Variants in LRFN1 observed in about 807,000 individuals in gnomAD.
LRFN1 encodes leucine-rich repeat and fibronectin type III domain-containing protein 1.
Under a neutral mutation model 31.8 loss-of-function variants are expected in LRFN1, and 20 were observed. The ratio of observed to expected loss-of-function variants is 0.63; its 90% CI spans 0.44 to 0.91. The LOEUF is 0.91. LRFN1 is among the 40% of genes least tolerant of loss of function. The probability of loss-of-function intolerance (pLI) is 0.00; values close to 1 mark genes in which losing one functional copy is unlikely to be tolerated. For missense variants in LRFN1, 912 were observed against 1,129.8 expected, an observed-to-expected ratio of 0.81 and a Z score of 2.76; for synonymous variants, 514 against 541.3, an observed-to-expected ratio of 0.95 and a Z score of 0.70.
At chr19:39,310,285 G>C (rs990112548) in intron 4 of LRFN1, among the ~76,000 whole-genome samples, 2 of 152,186 alleles carry the variant, frequency 1.3e-5, no homozygotes, top group Admixed American at 6.5e-5. Flanking sequence ...TAACCTCCCT[G>C]TGTCTCATTT....
At chr19:39,320,561 G>A (rs1214392686) in intron 1 of LRFN1, among the ~76,000 whole-genome samples, 1 of 151,888 alleles carries the variant, frequency 6.6e-6, no homozygotes, top group Admixed American at 6.5e-5. Context: ...CGCTCGGGGG[G>A]ACACGCGTGC....
In LRFN1 at chr19:39,308,134, G is replaced by C; in HGVS notation, c.1815C>G (p.Tyr605Ter). 6.5e-7 allele frequency: 1 copy of C among 1,529,904 alleles called. No individual in the cohort carries two copies. Among genetic ancestry groups the C allele is most frequent in the Non-Finnish European group, 8.8e-7 (1 of 1,141,224 alleles). 94.8% of individuals were successfully genotyped at this position (1,529,904 alleles called of 1,614,324 possible). A position where few individuals can be genotyped will look rare whatever the true frequency, so the allele number is the denominator to read the frequency against. The change falls in exon 5 of 5, where the codon TAC (tyrosine) becomes TAG (stop). Residue 605 changes from tyrosine (Y) to a stop codon, truncating the protein, a stop_gained. Coordinates refer to ENST00000248668, the MANE Select transcript of LRFN1 (RefSeq NM_020862.2). LOFTEE classifies it high-confidence loss of function. The surrounding 1 kb of genome is among the most constrained non-coding windows in gnomAD (Gnocchi z 6.2). ...QAPALPAQDH[Y>*]EALREVESQA... ...GGGACTCCACCTCGCGCAGCGCCTC[G>C]TAGTGGTCCTGGGCCGGCAGGGCCG...
chr19:39,309,633 A>G (rs571498303), intron 4 of LRFN1, among the ~76,000 whole-genome samples: 43 of 152,162 alleles, frequency 2.8e-4, no homozygotes, highest in African/African-American at 9.9e-4. Flanking sequence ...ACAATGGCCC[A>G]CTAAGGATGG....
Position 39,308,606 on chromosome 19 carries a change from C to A in LRFN1, c.1407-64G>T. ...CCGAACCACGCCCCTTCGCTTTATG[C>A]CCCGCCCATGGTGAACAGTGGGGAC... is the stretch of plus-strand genomic sequence containing the variant. On this transcript the variant is annotated intron_variant, in intron 4 of 4. Transcript: ENST00000248668. The surrounding 1 kb of genome is among the most constrained non-coding windows in gnomAD (Gnocchi z 6.2). 1 of 1,406,826 alleles carries A rather than the reference C, an allele frequency of 7.1e-7. No homozygotes were observed. Among genetic ancestry groups the A allele is most frequent in the Non-Finnish European group, 9.5e-7 (1 of 1,056,068 alleles). 87.1% of individuals were successfully genotyped at this position (1,406,826 alleles called of 1,614,324 possible).
chr19:39,307,404 G>C lies in LRFN1; in HGVS notation c.*229C>G. The C allele has an allele frequency of 2.3e-6, 1 of 439,102 alleles. No homozygotes were observed. Among genetic ancestry groups the C allele is most frequent in the Middle Eastern group, 5.8e-4 (1 of 1,718 alleles). The allele number at this position is 439,102 out of a possible 1,614,324, so 27.2% of individuals were successfully genotyped here. A position where few individuals can be genotyped will look rare whatever the true frequency, so the allele number is the denominator to read the frequency against. ...GGAGGGGTAGGAGGGGGGTCGAGGA[G>C]TCCATAGGGGAAGGGAGGCCGGCAG... On this transcript the variant is annotated 3_prime_UTR_variant, in exon 5 of 5. Coordinates refer to ENST00000248668, the MANE Select transcript of LRFN1 (RefSeq NM_020862.2). The surrounding 1 kb of genome is among the most constrained non-coding windows in gnomAD (Gnocchi z 6.7).
intron 1 of LRFN1, among the ~76,000 whole-genome samples, chr19:39,320,416 G>A (rs979558697): frequency 6.6e-6 from 1 of 151,650 alleles, no homozygotes; most frequent in Admixed American, 6.6e-5. Flanking sequence ...CAAACACCCA[G>A]AGCAGCTAGT....
chr19:39,319,312 A>AAC (rs137961088), intron 1 of LRFN1, among the ~76,000 whole-genome samples: 95 of 152,056 alleles, frequency 6.2e-4, no homozygotes, highest in Middle Eastern at 3.4e-3. Flanking sequence ...ACATCTAACA[A>AAC]ACACACACAC....
rs2145034801 is a variant in LRFN1 at position 39,314,016 on chromosome 19, G to A, written c.1321C>T (p.Arg441Cys). The stretch of plus-strand genomic sequence containing the variant: ...GGCACAGGCCTCTGGGCTGGCCAGC[G>A]GATGAGCACGGAGTTCGAGGTGAGC... ...AELTSNSVLIRWPAQRPVPGI... is the reference protein window; with the variant it reads ...AELTSNSVLICWPAQRPVPGI... Residue 441 changes from arginine to cysteine, a missense_variant, in exon 4 of 5, where the codon CGC becomes TGC. By Grantham distance (180) the Arg-to-Cys change is radical. This residue lies in a region of LRFN1 where 511 missense variants were observed against 557.0 expected (regional missense o/e 0.92). Coordinates refer to ENST00000248668, the MANE Select transcript of LRFN1 (RefSeq NM_020862.2). 4 of 1,611,734 alleles carry A rather than the reference G, an allele frequency of 2.5e-6. No individual in the cohort carries two copies. Among genetic ancestry groups the A allele is most frequent in the East Asian group, 2.2e-5 (1 of 44,868 alleles).
At position 39,308,687 on chromosome 19, in the gene LRFN1, C is replaced by T; in HGVS notation, c.1407-145G>A. The T allele has an allele frequency of 1.3e-6, 1 of 745,522 alleles. No homozygotes were observed. The highest frequency in any genetic ancestry group is 2.1e-6 in the Non-Finnish European group (1 of 469,446). The allele number at this position is 745,522 out of a possible 1,614,324, so 46.2% of individuals were successfully genotyped here. The stretch of plus-strand genomic sequence containing the variant: ...CTGAGACAACAGCAGCAATTCAAGC[C>T]CCGCCTCCATCAACATATTCCCACC... On this transcript the variant is annotated intron_variant, in intron 4 of 4. Transcript: ENST00000248668. The surrounding 1 kb of genome is among the most constrained non-coding windows in gnomAD (Gnocchi z 6.2).
Position 39,308,156 on chromosome 19 carries a change from G to A in LRFN1, c.1793C>T (p.Ala598Val). ...GAGTGAAQAP[A>V]LPAQDHYEAL... is the part of the protein sequence containing the mutation. Reference sequence around the variant, plus strand: ...CTCGTAGTGGTCCTGGGCCGGCAGGGCCGGGGCCTGTGCCGCGCCTGTGCC... The same window carrying A: ...CTCGTAGTGGTCCTGGGCCGGCAGGACCGGGGCCTGTGCCGCGCCTGTGCC... Residue 598 changes from alanine (A) to valine (V), a missense_variant, in exon 5 of 5, where the codon GCC becomes GTC. This residue lies in a region of LRFN1 where 511 missense variants were observed against 557.0 expected (regional missense o/e 0.92). Coordinates refer to ENST00000248668, the MANE Select transcript of LRFN1 (RefSeq NM_020862.2). This position sits in a 1 kb window ranked among gnomAD's most constrained non-coding sequence, Gnocchi z 6.2. 1 of 1,556,720 alleles carries A rather than the reference G, an allele frequency of 6.4e-7. No homozygotes were observed. Among genetic ancestry groups the A allele is most frequent in the Non-Finnish European group, 8.7e-7 (1 of 1,152,194 alleles).
chr19:39,310,504 T>G (rs2145031055), intron 4 of LRFN1, among the ~76,000 whole-genome samples: 1 of 152,350 alleles, frequency 6.6e-6, no homozygotes, highest in African/African-American at 2.4e-5. Context: ...GGGCCATTCC[T>G]GCTAGGCCTT....
Position 39,307,581 on chromosome 19 carries a change from C to T in LRFN1, c.*52G>A, listed in dbSNP as rs1037481305. The T allele has an allele frequency of 1.5e-6, 2 of 1,354,398 alleles. No individual in the cohort carries two copies. Among genetic ancestry groups the T allele is most frequent in the African/African-American group, 1.5e-5 (1 of 64,938 alleles). 83.9% of individuals were successfully genotyped at this position (1,354,398 alleles called of 1,614,324 possible). ...TCCCAGTCCCGCCCCAGCGTCCGTGCGGCTGGGCGTTTGGTCTGCGGCACC... is the reference window on the plus strand; with the variant it reads ...TCCCAGTCCCGCCCCAGCGTCCGTGTGGCTGGGCGTTTGGTCTGCGGCACC... On this transcript the variant is annotated 3_prime_UTR_variant, in exon 5 of 5. Coordinates refer to ENST00000248668, the MANE Select transcript of LRFN1 (RefSeq NM_020862.2). This position sits in a 1 kb window ranked among gnomAD's most constrained non-coding sequence, Gnocchi z 6.7.
chr19:39,307,717 C>A lies in LRFN1; in HGVS notation c.2232G>T (p.Gly744=). ...HLDGAGGGAA[G]EDGDLGLGSA... is the part of the protein sequence containing the mutation. ...AGCCCAGCCCCAGGTCTCCATCCTC[C>A]CCGGCCGCGCCCCCTCCAGCCCCGT... Residue 744 remains glycine (G), a synonymous_variant, in exon 5 of 5, where the codon GGG becomes GGT. Transcript: ENST00000248668. The surrounding 1 kb of genome is among the most constrained non-coding windows in gnomAD (Gnocchi z 6.7). 1 of 1,497,056 alleles carries A rather than the reference C, an allele frequency of 6.7e-7. No individual in the cohort carries two copies. Among genetic ancestry groups the A allele is most frequent in the Non-Finnish European group, 8.8e-7 (1 of 1,136,002 alleles). The allele number at this position is 1,497,056 out of a possible 1,614,324, so 92.7% of individuals were successfully genotyped here. A position where few individuals can be genotyped will look rare whatever the true frequency, so the allele number is the denominator to read the frequency against.
rs549336366 is a variant in LRFN1 at position 39,313,740 on chromosome 19, T to C, written c.1406+191A>G. Among the ~76,000 whole-genome samples, 61 of 152,294 alleles carry C rather than the reference T, an allele frequency of 4.0e-4. 1 individual carries two copies. The highest frequency in any genetic ancestry group is 7.1e-4 in the Non-Finnish European group (48 of 68,028). On this transcript the variant is annotated intron_variant, in intron 4 of 4. Transcript: ENST00000248668. ...CGGGTTCATGTAGGTGCTCAGCGAA[T>C]ATTTTCTATAAGCACGAAAAACAGA...
intron 4 of LRFN1, among the ~76,000 whole-genome samples, chr19:39,310,330 T>C (rs758070822): frequency 6.6e-6 from 1 of 152,224 alleles, no homozygotes; most frequent in Non-Finnish European, 1.5e-5. Context: ...TCCTACATCA[T>C]AGAGATGGTG....
chr19:39,312,025 A>G (rs2075152361), intron 4 of LRFN1, among the ~76,000 whole-genome samples: 1 of 151,858 alleles, frequency 6.6e-6, no homozygotes, highest in African/African-American at 2.4e-5. Flanking sequence ...ACGTGCCACC[A>G]CATCTGCCTA....
chr19:39,309,497 A>AAAAAC (rs1346396411), intron 4 of LRFN1, among the ~76,000 whole-genome samples: 47 of 146,566 alleles, frequency 3.2e-4, no homozygotes, highest in African/African-American at 1.1e-3. Context: ...AAAAAAAAAA[A>AAAAAC]AAAAAAAAAA....
chr19:39,314,404 C>G lies in LRFN1; in HGVS notation c.933G>C (p.Val311=). ...GCAGGCTCACCGCCTGGCCTTCCAC[C>G]ACCAGGGCCCGGCCCCCCGCCTGCC... ...ITRQAGGRAL[V]VEGQAVSLRC... Residue 311 remains valine (V), a synonymous_variant, in exon 4 of 5, where the codon GTG becomes GTC. Transcript: ENST00000248668. The G allele has an allele frequency of 6.2e-7, 1 of 1,601,292 alleles. No homozygotes were observed. Among genetic ancestry groups the G allele is most frequent in the Non-Finnish European group, 8.5e-7 (1 of 1,175,744 alleles).
chr19:39,308,502 G>A lies in LRFN1; in HGVS notation c.1447C>T (p.Leu483=). 6.3e-7 allele frequency: 1 copy of A among 1,599,968 alleles called. No homozygotes were observed. Among genetic ancestry groups the A allele is most frequent in the Non-Finnish European group, 8.5e-7 (1 of 1,178,844 alleles). ...AAGTCGTAGGCACGGCCCGCCGCCA[G>A]GTCATTCACCAGGAAGGTCTGACTG... ...STSQTFLVND[L]AAGRAYDLCV... is the part of the protein sequence containing the mutation. The change falls in exon 5 of 5, where the codon CTG becomes TTG. Residue 483 remains leucine (L), a synonymous_variant. Coordinates refer to ENST00000248668, the MANE Select transcript of LRFN1 (RefSeq NM_020862.2). This position sits in a 1 kb window ranked among gnomAD's most constrained non-coding sequence, Gnocchi z 6.2.
Sources: allele counts gnomAD v4.1 joint callset (sites outside exome capture counted in the v4.1 genomes callset), GRCh38; gene constraint gnomAD v4.1.1; regional missense constraint gnomAD v4.1.1; non-coding constraint Gnocchi (gnomAD v3.1); transcripts MANE v1.5; gene names NCBI Gene and HGNC (gene_info 2026-07-23, HGNC 2026-07-21).